Variants in RBM38 observed in about 807,000 individuals in gnomAD.
RBM38 encodes the protein RNA binding motif protein 38, also known as RNA-binding protein 38.
Under a neutral mutation model 23.5 loss-of-function variants are expected in RBM38, and 11 were observed. That is an observed-to-expected ratio of 0.47 (90% confidence interval 0.29 to 0.77). The LOEUF is 0.77. RBM38 is among the 30% of genes least tolerant of loss of function. The probability of loss-of-function intolerance (pLI) is 0.08; values close to 1 mark genes in which losing one functional copy is unlikely to be tolerated. For missense variants in RBM38, 330 were observed against 351.9 expected (o/e 0.94, Z 0.50); for synonymous variants, 165 against 166.1 (o/e 0.99, Z 0.05).
intron 3 of RBM38, among the ~76,000 whole-genome samples, chr20:57,395,746 C>CGCCCGCTGACGGAGCTGGA (rs1422910845): frequency 2.0e-5 from 3 of 152,084 alleles, no homozygotes; most frequent in Non-Finnish European, 4.4e-5. Context: ...CCCCAGCCCC[C>CGCCCGCTGACGGAGCTGGA]GCCCGCTGAC....
rs376977614 is a variant in RBM38 at position 57,405,955 on chromosome 20, G to A, written c.417-1588G>A. ...GCCGAACGCAGGAGAATGCAGGGAA[G>A]GATGTTGTACTTTTTCTCCAGAGCT... On this transcript the variant is annotated intron_variant, in intron 3 of 3. Transcript: ENST00000356208. Among the ~76,000 whole-genome samples the A allele has an allele frequency of 3.9e-5, 6 of 152,342 alleles. No homozygotes were observed. The East Asian group carries it at 7.7e-4, about 20-fold the overall frequency.
In RBM38 at chr20:57,407,495, A is replaced by G. The variant is rs1055562712; in HGVS notation, c.417-48A>G. 3.2e-6 allele frequency: 5 copies of G among 1,583,988 alleles called. No individual in the cohort carries two copies. Among genetic ancestry groups the G allele is most frequent in the Middle Eastern group, 1.7e-4 (1 of 5,988 alleles). ...TGTACCCCACTGTTCTCCCAGCTGT[A>G]TTCCCCAACTCCGTTCTGGCCCTAA... On this transcript the variant is annotated intron_variant, in intron 3 of 3. Transcript: ENST00000356208. The surrounding 1 kb of genome is among the most constrained non-coding windows in gnomAD (Gnocchi z 4.0).
chr20:57,397,943 G>A (rs919162865), intron 3 of RBM38, among the ~76,000 whole-genome samples: 24 of 152,340 alleles, frequency 1.6e-4, no homozygotes, highest in Non-Finnish European at 2.9e-4. Context: ...CAGTGGTGGG[G>A]AGATGTGTCT....
In RBM38 at chr20:57,393,286, C is replaced by T. The variant is rs776475847; in HGVS notation, c.369C>T (p.Ala123=). 1 of 1,613,760 alleles carries T rather than the reference C, an allele frequency of 6.2e-7. No homozygotes were observed. The highest frequency in any genetic ancestry group is 2.2e-5 in the East Asian group (1 of 44,878). Reference sequence around the variant, plus strand: ...ATTGTTCTCTCGTTTTAGGCTTTGCCATTGGGGTGCAGCAGCTGCACCCCA... The same window carrying T: ...ATTGTTCTCTCGTTTTAGGCTTTGCTATTGGGGTGCAGCAGCTGCACCCCA... The part of the protein sequence containing the change: ...AKPRSLQTGF[A]IGVQQLHPTL... The change falls in exon 3 of 4, where the codon GCC becomes GCT. Residue 123 remains alanine (A), a synonymous_variant. Transcript: ENST00000356208.
At chr20:57,403,703 C>T (rs2067352743) in intron 3 of RBM38, among the ~76,000 whole-genome samples, 1 of 152,188 alleles carries the variant, frequency 6.6e-6, no homozygotes, top group South Asian at 2.1e-4. Context: ...CTCACCACAA[C>T]CTCCACCTTC....
chr20:57,397,205 G>A (rs1174450746), intron 3 of RBM38, among the ~76,000 whole-genome samples: 2 of 152,250 alleles, frequency 1.3e-5, no homozygotes, highest in Admixed American at 6.5e-5. Context: ...GCCCTGGGAA[G>A]TCACGGTTTG....
intron 3 of RBM38, among the ~76,000 whole-genome samples, chr20:57,397,956 G>T (rs987993525): frequency 7.9e-5 from 12 of 152,222 alleles, no homozygotes; most frequent in African/African-American, 2.4e-4. Flanking sequence ...ATGTGTCTGT[G>T]TGTGTGATAA....
chr20:57,407,908 C>T lies in RBM38; in HGVS notation c.*62C>T. Reference sequence around the variant, plus strand: ...CTTCACAGCAGACAGAGCTGCCAGGCCATGATGGGCTGGCGACAGCCCGGC... The same window carrying T: ...CTTCACAGCAGACAGAGCTGCCAGGTCATGATGGGCTGGCGACAGCCCGGC... On this transcript the variant is annotated 3_prime_UTR_variant, in exon 4 of 4. Coordinates refer to ENST00000356208, the MANE Select transcript of RBM38 (RefSeq NM_017495.6). The surrounding 1 kb of genome is among the most constrained non-coding windows in gnomAD (Gnocchi z 4.0). 6.7e-7 allele frequency: 1 copy of T among 1,492,288 alleles called. No homozygotes were observed. Among genetic ancestry groups the T allele is most frequent in the Non-Finnish European group, 8.9e-7 (1 of 1,120,360 alleles). 92.4% of individuals were successfully genotyped at this position (1,492,288 alleles called of 1,614,324 possible).
At position 57,394,307 on chromosome 20, in the gene RBM38, G is replaced by A. The variant is rs140543171; in HGVS notation, c.416+974G>A. ...TGTGGACAAGGATCCTGTGGAACCC[G>A]GCTGAGCCTGGCTCCCAGGTGAATG... On this transcript the variant is annotated intron_variant, in intron 3 of 3. Transcript: ENST00000356208. Among the ~76,000 whole-genome samples, 1,311 of 152,244 alleles carry A rather than the reference G, an allele frequency of 8.6e-3. 18 individuals are homozygous for A. Among genetic ancestry groups the A allele is most frequent in the African/African-American group, 0.025 (1,034 of 41,552 alleles).
intron 3 of RBM38, among the ~76,000 whole-genome samples, chr20:57,394,212 G>A (rs1422109868): frequency 2.0e-5 from 3 of 152,150 alleles, no homozygotes; most frequent in Non-Finnish European, 4.4e-5. Context: ...GTGTGCTCAC[G>A]CATGTGCGCA....
chr20:57,394,523 T>C (rs553161735), intron 3 of RBM38, among the ~76,000 whole-genome samples: 1 of 152,264 alleles, frequency 6.6e-6, no homozygotes, highest in Admixed American at 6.5e-5. Context: ...GCCGGGGCCC[T>C]TCTAGCCTGT....
intron 3 of RBM38, among the ~76,000 whole-genome samples, chr20:57,398,103 C>T (rs751737118): frequency 2.0e-5 from 3 of 152,186 alleles, no homozygotes; most frequent in Non-Finnish European, 4.4e-5. Context: ...TGCTCATGTC[C>T]TTAGTTACTC....
chr20:57,403,001 G>A (rs1421708291), intron 3 of RBM38, among the ~76,000 whole-genome samples: 9 of 152,206 alleles, frequency 5.9e-5, no homozygotes, highest in African/African-American at 1.2e-4. Flanking sequence ...GGACGGCATC[G>A]TTCTTTGTTG....
At chr20:57,399,995 C>CT (rs1300118733) in intron 3 of RBM38, 1 of 456,260 alleles carries the variant, frequency 2.2e-6, no homozygotes. Flanking sequence ...GCGAGTTCTG[C>CT]TTTGAGTGTG....
Position 57,392,351 on chromosome 20 carries a change from GC to G in RBM38, c.238-297del, listed in dbSNP as rs781284537. On this transcript the variant is annotated intron_variant, in intron 1 of 3. Coordinates refer to ENST00000356208, the MANE Select transcript of RBM38 (RefSeq NM_017495.6). ...CCTCACTGGTGGGCAAGTCCAGGCGGCCCCCCAAGCTCCCTTCGGGGTTCAT... is the reference window on the plus strand; with the variant it reads ...CCTCACTGGTGGGCAAGTCCAGGCGGCCCCCAAGCTCCCTTCGGGGTTCAT... The G allele has an allele frequency of 5.1e-6, 7 of 1,360,972 alleles. No homozygotes were observed. The South Asian group carries it at 6.2e-5, about 12-fold the overall frequency. The allele number at this position is 1,360,972 out of a possible 1,614,324, so 84.3% of individuals were successfully genotyped here.
At chr20:57,404,469 G>A (rs567957278) in intron 3 of RBM38, among the ~76,000 whole-genome samples, 171 of 151,874 alleles carry the variant, frequency 1.1e-3, no homozygotes, top group African/African-American at 4.1e-3. Flanking sequence ...GAGCTGGGTC[G>A]GGGGGGCACT....
chr20:57,391,785 C>T lies in RBM38; in HGVS notation c.204C>T (p.Asp68=), dbSNP rs1162752002. Residue 68 remains aspartate (D), a synonymous_variant, in exon 1 of 4, where the codon GAC becomes GAT. Transcript: ENST00000356208. The stretch of plus-strand genomic sequence containing the variant: ...TCGAGGAGGCCGTGGTCATCACCGA[C>T]CGCCAGACGGGCAAGTCCCGCGGCT... The part of the protein sequence containing the change: ...GDIEEAVVIT[D]RQTGKSRGYG... 3 of 1,570,668 alleles carry T rather than the reference C, an allele frequency of 1.9e-6. No homozygotes were observed. The highest frequency in any genetic ancestry group is 3.5e-4 in the Middle Eastern group (2 of 5,700).
At position 57,407,639 on chromosome 20, in the gene RBM38, G is replaced by A. The variant is rs115516069; in HGVS notation, c.513G>A (p.Glu171=). The A allele has an allele frequency of 5.1e-3, 8,296 of 1,613,322 alleles. 360 individuals are homozygous for A. The African/African-American group carries it at 0.094, about 18-fold the overall frequency. Residue 171 remains glutamate, a synonymous_variant, in exon 4 of 4, where the codon GAG becomes GAA. Transcript: ENST00000356208. The surrounding 1 kb of genome is among the most constrained non-coding windows in gnomAD (Gnocchi z 4.0). ...CGTCGCTGTCCTCGCCCTACATTGA[G>A]TACACGCCGGCCAGCCCGGCCTACG... ...PVPSLSSPYI[E]YTPASPAYAQ... is the part of the protein sequence containing the mutation.
intron 2 of RBM38, 86 bp downstream of exon 2, chr20:57,392,863 C>T (rs1212218592): frequency 9.8e-6 from 15 of 1,535,142 alleles, no homozygotes; most frequent in Non-Finnish European, 9.7e-6. Context: ...GCCCCCCCTC[C>T]TCGCCCCAGC....
Sources: allele counts gnomAD v4.1 joint callset (sites outside exome capture counted in the v4.1 genomes callset), GRCh38; gene constraint gnomAD v4.1.1; non-coding constraint Gnocchi (gnomAD v3.1); transcripts MANE v1.5; gene names NCBI Gene and HGNC (gene_info 2026-07-23, HGNC 2026-07-21).